DDX59: variants seen among roughly 807,000 people sequenced by gnomAD.
DDX59 encodes the protein probable ATP-dependent RNA helicase DDX59.
DDX59 carries 30 observed loss-of-function variants against 51.9 expected under a neutral mutation model. The observed-to-expected ratio is 0.58, with a 90% CI of 0.43 to 0.78. DDX59 has a LOEUF of 0.78. Ranked by LOEUF, DDX59 falls within the 30% of genes least tolerant of loss-of-function variation. The probability of loss-of-function intolerance (pLI) is 0.00; values close to 1 mark genes in which losing one functional copy is unlikely to be tolerated. For missense variants in DDX59, 672 were observed against 730.8 expected (o/e 0.92, Z 0.93); for synonymous variants, 255 against 253.3 (o/e 1.01, Z -0.06).
At chr1:200,649,737 A>G (rs1661533635) in intron 5 of DDX59, among the ~76,000 whole-genome samples, 1 of 151,990 alleles carries the variant, frequency 6.6e-6, no homozygotes. Flanking sequence ...GCCCCTCTTA[A>G]TTTTCCATCA....
At chr1:200,642,667 C>T (rs1027104362), downstream of DDX59, among the ~76,000 whole-genome samples, 21 of 152,182 alleles carry the variant, frequency 1.4e-4, no homozygotes, top group African/African-American at 4.8e-4. Context: ...TAACAGGAGT[C>T]TGAAAATTGT....
chr1:200,661,354 C>G (rs914566550), intron 3 of DDX59, among the ~76,000 whole-genome samples: 2 of 131,550 alleles, frequency 1.5e-5, no homozygotes. Context: ...TCAAAGTACA[C>G]CTCAAAGTAC....
intron 4 of DDX59, among the ~76,000 whole-genome samples, chr1:200,652,950 G>A (rs1661763629): frequency 6.6e-6 from 1 of 152,182 alleles, no homozygotes; most frequent in Non-Finnish European, 1.5e-5. Context: ...CTCCCAAAGT[G>A]CTGGGATTAC....
chr1:200,659,637 G>A (rs1442424825), intron 3 of DDX59, among the ~76,000 whole-genome samples: 2 of 152,186 alleles, frequency 1.3e-5, no homozygotes, highest in African/African-American at 4.8e-5. Flanking sequence ...GTTGGGCAAA[G>A]TGATTTCTAA....
At chr1:200,660,362 G>A (rs1393321969) in intron 3 of DDX59, among the ~76,000 whole-genome samples, 1 of 152,102 alleles carries the variant, frequency 6.6e-6, no homozygotes, top group Admixed American at 6.5e-5. Context: ...TTTTGGTTAT[G>A]TTTTCTCAGA....
chr1:200,664,593 A>G (rs2102921157), intron 2 of DDX59, among the ~76,000 whole-genome samples: 1 of 151,322 alleles, frequency 6.6e-6, no homozygotes, highest in East Asian at 1.9e-4. Context: ...ATTTTAAACA[A>G]TCTAGCACTT....
rs1661777122 is a variant in DDX59, at chr1:200,653,152, T to G, written c.1063-2476A>C. ...TCAACAAATTCCACGGCTCTGAATA[T>G]CATGCATGCATCAAAGACTCTCAAA... On this transcript the variant is annotated intron_variant, in intron 4 of 7. Coordinates refer to ENST00000331314, the MANE Select transcript of DDX59 (RefSeq NM_001031725.6). Among the ~76,000 whole-genome samples the G allele has an allele frequency of 2.0e-5, 3 of 152,316 alleles. No individual in the cohort carries two copies. The South Asian group carries it at 6.2e-4, about 32-fold the overall frequency.
rs780311468 is a variant in DDX59, at chr1:200,666,208, T to G, written c.533A>C (p.Gln178Pro). The change falls in exon 2 of 8, where the codon CAG (glutamine) becomes CCG (proline). Residue 178 changes from glutamine (Q) to proline (P), a missense_variant. Coordinates refer to ENST00000331314, the MANE Select transcript of DDX59 (RefSeq NM_001031725.6). ...TTTAAGATTTTCAATCTGGTCTTCC[T>G]GAAGGTTCAAAATAAAGGGGTGCTC... ...YKEHPFILNL[Q>P]EDQIENLKQQ... 1 of 1,614,246 alleles carries G rather than the reference T, an allele frequency of 6.2e-7. No individual in the cohort carries two copies. Among genetic ancestry groups the G allele is most frequent in the Non-Finnish European group, 8.5e-7 (1 of 1,180,034 alleles).
downstream of DDX59, among the ~76,000 whole-genome samples, chr1:200,642,184 G>T (rs1661068126): frequency 6.6e-6 from 1 of 152,066 alleles, no homozygotes; most frequent in African/African-American, 2.4e-5. Flanking sequence ...AACCAATTCA[G>T]TATTTTTATA....
chr1:200,666,208 T>A lies in DDX59; in HGVS notation c.533A>T (p.Gln178Leu). 1 of 1,614,246 alleles carries A rather than the reference T, an allele frequency of 6.2e-7. No homozygotes were observed. The highest frequency in any genetic ancestry group is 1.1e-5 in the South Asian group (1 of 91,084). The change falls in exon 2 of 8, where the codon CAG becomes CTG. Residue 178 changes from glutamine (Q) to leucine (L), a missense_variant. Transcript: ENST00000331314. ...YKEHPFILNL[Q>L]EDQIENLKQQ... ...TTTAAGATTTTCAATCTGGTCTTCC[T>A]GAAGGTTCAAAATAAAGGGGTGCTC...
At chr1:200,648,418 G>A (rs760427020) in intron 7 of DDX59, 21 bp downstream of exon 7, 10 of 1,609,950 alleles carry the variant, frequency 6.2e-6, no homozygotes, top group African/African-American at 1.3e-5. Flanking sequence ...CAAAATAGTG[G>A]TAACATATAA....
At position 200,649,194 on chromosome 1, in the gene DDX59, T is replaced by C; in HGVS notation, c.1347A>G (p.Val449=). The change falls in exon 6 of 8, where the codon GTA becomes GTG. Residue 449 remains valine (V), a synonymous_variant. Transcript: ENST00000331314. ...CTGCTCCTAGTTTGCAGTCCACAAATACTAACACTGGAGGCTTAAAGAGTT... is the reference window on the plus strand; with the variant it reads ...CTGCTCCTAGTTTGCAGTCCACAAACACTAACACTGGAGGCTTAAAGAGTT... ...DKKLFKPPVL[V]FVDCKLGADL... 1.9e-6 allele frequency: 3 copies of C among 1,587,080 alleles called. No individual in the cohort carries two copies. The highest frequency in any genetic ancestry group is 2.6e-6 in the Non-Finnish European group (3 of 1,172,150).
At chr1:200,663,186 C>T (rs1002446780) in intron 3 of DDX59, among the ~76,000 whole-genome samples, 3 of 152,146 alleles carry the variant, frequency 2.0e-5, no homozygotes. Flanking sequence ...TCCCCTGGGT[C>T]GCCAGGGCCG....
chr1:200,641,576 T>A (rs1018279222), downstream of DDX59, among the ~76,000 whole-genome samples: 8 of 149,902 alleles, frequency 5.3e-5, no homozygotes, highest in African/African-American at 1.7e-4. Flanking sequence ...CTACTAAAAA[T>A]ACAAAAATTA....
At chr1:200,662,334 G>A (rs571047625) in intron 3 of DDX59, among the ~76,000 whole-genome samples, 3 of 151,934 alleles carry the variant, frequency 2.0e-5, no homozygotes, top group Non-Finnish European at 2.9e-5. Context: ...GAAGGTTTGG[G>A]AGGAAAAAAA....
chr1:200,646,805 T>C (rs1164866803), intron 7 of DDX59, among the ~76,000 whole-genome samples: 1 of 152,224 alleles, frequency 6.6e-6, no homozygotes, highest in Non-Finnish European at 1.5e-5. Flanking sequence ...TACATGAATG[T>C]CCACAGCAGC....
At position 200,655,888 on chromosome 1, in the gene DDX59, T is replaced by C. The variant is rs190499547; in HGVS notation, c.1062+3139A>G. On this transcript the variant is annotated intron_variant, in intron 4 of 7. Transcript: ENST00000331314. ...TCTTGTTGCCCAGGCTGGAGTGCAA[T>C]GGCACGATCTTGGCTCACCGCAACC... Among the ~76,000 whole-genome samples, 725 of 152,082 alleles carry C rather than the reference T, an allele frequency of 4.8e-3. 6 individuals carry two copies. The highest frequency in any genetic ancestry group is 7.7e-3 in the Non-Finnish European group (522 of 67,988).
At chr1:200,665,896 T>A in intron 2 of DDX59, 41 bp downstream of exon 2, 1 of 1,516,916 alleles carries the variant, frequency 6.6e-7, no homozygotes, top group Non-Finnish European at 8.8e-7. Context: ...CCTCACTTGT[T>A]TCCAAGAATA....
intron 6 of DDX59, 110 bp downstream of exon 6, chr1:200,648,964 A>G: frequency 9.1e-7 from 1 of 1,100,772 alleles, no homozygotes; most frequent in Admixed American, 3.0e-5. Flanking sequence ...ATGGTCTTGT[A>G]GTCATTAAAA....
Sources: gnomAD v4.1 joint callset for allele counts (sites outside exome capture counted in the v4.1 genomes callset) on GRCh38, gnomAD v4.1.1 for gene constraint, MANE v1.5 for transcripts, NCBI Gene and HGNC (gene_info 2026-07-23, HGNC 2026-07-21) for gene names.